The following RIT2 variants were observed in gnomAD, a reference collection of about 807,000 sequenced individuals.
RIT2 encodes GTP-binding protein Rit2.
A neutral mutation model predicts 23.7 loss-of-function variants in RIT2; 24 were observed. The observed-to-expected ratio is 1.01, with a 90% CI of 0.73 to 1.43. The LOEUF (loss-of-function observed/expected upper bound fraction) is 1.43, where lower values mean the gene tolerates loss of function less well. Among genes scored for constraint, RIT2 ranks in the 40% most tolerant of loss-of-function variants. The pLI, the probability that RIT2 is intolerant of heterozygous loss-of-function variation, is 0.00. For missense variants in RIT2, 236 were observed against 266.9 expected (o/e 0.88, Z 0.81); for synonymous variants, 107 against 91.1 (o/e 1.17, Z -0.99).
At chr18:43,013,350 T>C (rs1217712723) in intron 2 of RIT2, among the ~76,000 whole-genome samples, 1 of 151,856 alleles carries the variant, frequency 6.6e-6, no homozygotes, top group Non-Finnish European at 1.5e-5. Context: ...GAATATAAAT[T>C]TGTGTCAATA....
chr18:42,856,331 G>C (rs1907181112), intron 4 of RIT2, among the ~76,000 whole-genome samples: 1 of 152,184 alleles, frequency 6.6e-6, no homozygotes, highest in South Asian at 2.1e-4. Flanking sequence ...AGGCAGACAT[G>C]CCTTGCTGGG....
At chr18:42,883,862 T>C (rs1907955082) in intron 4 of RIT2, among the ~76,000 whole-genome samples, 1 of 152,132 alleles carries the variant, frequency 6.6e-6, no homozygotes, top group Admixed American at 6.6e-5. Context: ...ATCCCAGAAG[T>C]GTTAAATGGC....
At chr18:42,782,443 T>C (rs756648767) in intron 4 of RIT2, among the ~76,000 whole-genome samples, 2 of 152,140 alleles carry the variant, frequency 1.3e-5, no homozygotes, top group Non-Finnish European at 2.9e-5. Context: ...TAATATATGA[T>C]GTGTTCATTT....
intron 2 of RIT2, among the ~76,000 whole-genome samples, chr18:42,995,292 C>T (rs1379982612): frequency 1.3e-5 from 2 of 151,948 alleles, no homozygotes; most frequent in Non-Finnish European, 2.9e-5. Flanking sequence ...CTTCCCTACA[C>T]ATCAAGCTCG....
At chr18:42,779,729 G>A (rs554509254) in intron 4 of RIT2, among the ~76,000 whole-genome samples, 2 of 152,264 alleles carry the variant, frequency 1.3e-5, no homozygotes, top group African/African-American at 4.8e-5. Context: ...CAAGAGAATA[G>A]AGGTTCTATG....
chr18:42,780,046 G>GGT (rs1352234965), intron 4 of RIT2, among the ~76,000 whole-genome samples: 4 of 50,594 alleles, frequency 7.9e-5, no homozygotes, highest in Admixed American at 2.4e-4. Context: ...TCAATTTAGA[G>GGT]GTTTTTTTTT....
Position 43,115,493 on chromosome 18 carries a change from G to A in RIT2, c.27C>T (p.Cys9=), listed in dbSNP as rs1047273523. The change falls in exon 1 of 5, where the codon TGC becomes TGT. Residue 9 remains cysteine, a synonymous_variant. Transcript: ENST00000326695. ...ACCCGCCTGATGCGCTGCCCGGGGA[G>A]CAGCTGGCTTCATTTTCTACCTCCA... MEVENEAS[C]SPGSASGGSR... 9 of 1,613,332 alleles carry A rather than the reference G, an allele frequency of 5.6e-6. No homozygotes were observed. The highest frequency in any genetic ancestry group is 1.7e-4 in the Middle Eastern group (1 of 6,058).
chr18:43,107,934 C>A (rs1352337645), intron 1 of RIT2, among the ~76,000 whole-genome samples: 1 of 149,698 alleles, frequency 6.7e-6, no homozygotes, highest in Non-Finnish European at 1.5e-5. Context: ...AAGTCCGAGG[C>A]GGGTGGATGA....
intron 4 of RIT2, among the ~76,000 whole-genome samples, chr18:42,772,446 C>G (rs565754800): frequency 6.6e-6 from 1 of 151,852 alleles, no homozygotes; most frequent in Non-Finnish European, 1.5e-5. Flanking sequence ...ACCCTCCAAC[C>G]TTTTGTTCTC....
intron 2 of RIT2, among the ~76,000 whole-genome samples, chr18:42,990,096 C>G (rs1218178835): frequency 6.6e-6 from 1 of 151,510 alleles, no homozygotes; most frequent in Non-Finnish European, 1.5e-5. Flanking sequence ...AGATCTGCAG[C>G]CAACATGCTG....
chr18:42,797,505 T>A (rs1384638393), intron 4 of RIT2, among the ~76,000 whole-genome samples: 3 of 151,950 alleles, frequency 2.0e-5, no homozygotes, highest in Non-Finnish European at 2.9e-5. Context: ...TATAGTTTTT[T>A]ATTTTATTTT....
chr18:43,016,719 G>A (rs577765470), intron 2 of RIT2, among the ~76,000 whole-genome samples: 2 of 151,850 alleles, frequency 1.3e-5, no homozygotes, highest in East Asian at 3.9e-4. Context: ...TATAGAATAT[G>A]GAAAATTGAC....
intron 1 of RIT2, among the ~76,000 whole-genome samples, chr18:43,050,137 C>T (rs1912344636): frequency 6.6e-6 from 1 of 151,228 alleles, no homozygotes; most frequent in Admixed American, 6.6e-5. Context: ...AGTGATTCTC[C>T]CACCTCAGCC....
At chr18:43,082,881 G>A (rs976774243) in intron 1 of RIT2, among the ~76,000 whole-genome samples, 21 of 152,122 alleles carry the variant, frequency 1.4e-4, no homozygotes, top group Admixed American at 1.4e-3. Context: ...GTTCTGGCCA[G>A]GGCAATCAGG....
intron 4 of RIT2, among the ~76,000 whole-genome samples, chr18:42,810,658 A>C (rs2143975880): frequency 6.6e-6 from 1 of 151,664 alleles, no homozygotes; most frequent in African/African-American, 2.4e-5. Flanking sequence ...CCTTTCAAAA[A>C]CCCCTACCTA....
At chr18:42,913,202 A>AC (rs1200851582) in intron 4 of RIT2, among the ~76,000 whole-genome samples, 1 of 151,702 alleles carries the variant, frequency 6.6e-6, no homozygotes, top group Non-Finnish European at 1.5e-5. Context: ...TCAGCCAAAA[A>AC]AAAAAAACAA....
chr18:42,866,640 GA>G (rs372644436), intron 4 of RIT2, among the ~76,000 whole-genome samples: 201 of 135,974 alleles, frequency 1.5e-3, no homozygotes, highest in Middle Eastern at 3.9e-3. Context: ...GTGCTGTCAG[GA>G]AAAAAAAAAA....
intron 4 of RIT2, among the ~76,000 whole-genome samples, chr18:42,856,848 G>A (rs948343390): frequency 4.7e-5 from 1 of 21,396 alleles, no homozygotes; most frequent in African/African-American, 2.7e-4. Context: ...TTTTTTTTTT[G>A]AGACGGAGTT....
chr18:43,087,998 G>T (rs1450630307), intron 1 of RIT2, among the ~76,000 whole-genome samples: 2 of 152,044 alleles, frequency 1.3e-5, no homozygotes, highest in East Asian at 3.9e-4. Flanking sequence ...CTAGTGTATG[G>T]ACACAATTAC....
Sources: allele counts gnomAD v4.1 joint callset (sites outside exome capture counted in the v4.1 genomes callset), GRCh38; gene constraint gnomAD v4.1.1; transcripts MANE v1.5; gene names NCBI Gene and HGNC (gene_info 2026-07-23, HGNC 2026-07-21).